DEFB4B: variants seen among roughly 807,000 people sequenced by gnomAD.
The protein encoded by DEFB4B is beta-defensin 4B.
At chr8:7,415,407 TC>T (rs1379640167) in intron 1 of DEFB4B, among the ~76,000 whole-genome samples, 1 of 151,402 alleles carries the variant, frequency 6.6e-6, no homozygotes, top group African/African-American at 2.4e-5. Context: ...TCAGCAACGA[TC>T]TCTTGTGAAT....
At chr8:7,416,287 C>T (rs1585470383) in intron 1 of DEFB4B, among the ~76,000 whole-genome samples, 1 of 151,808 alleles carries the variant, frequency 6.6e-6, no homozygotes, top group East Asian at 1.9e-4. Flanking sequence ...ATACTACTTT[C>T]TTTAGATAAA....
intron 1 of DEFB4B, among the ~76,000 whole-genome samples, chr8:7,415,347 C>G (rs1248985827): frequency 2.0e-5 from 3 of 150,984 alleles, no homozygotes; most frequent in Non-Finnish European, 2.9e-5. Context: ...TGTGAAAGAC[C>G]CTGATCTCTC....
chr8:7,415,941 A>G (rs1367275711), intron 1 of DEFB4B, among the ~76,000 whole-genome samples: 2 of 146,704 alleles, frequency 1.4e-5, no homozygotes, highest in Admixed American at 1.4e-4. Context: ...TTTAGGATTT[A>G]CTCTCAAATT....
At chr8:7,416,563 T>A (rs1404881138) in intron 1 of DEFB4B, among the ~76,000 whole-genome samples, 1 of 148,638 alleles carries the variant, frequency 6.7e-6, no homozygotes, top group Non-Finnish European at 1.5e-5. Flanking sequence ...AGACATGCTC[T>A]AGGGAGAGAG....
At chr8:7,415,709 C>G (rs1475234566) in intron 1 of DEFB4B, among the ~76,000 whole-genome samples, 1 of 123,690 alleles carries the variant, frequency 8.1e-6, no homozygotes, top group African/African-American at 3.2e-5. Context: ...CCCTCCCTCC[C>G]TCCCTCCCTC....
At chr8:7,415,713 C>CTCCG (rs1441719015) in intron 1 of DEFB4B, among the ~76,000 whole-genome samples, 6 of 127,836 alleles carry the variant, frequency 4.7e-5, no homozygotes, top group African/African-American at 1.8e-4. Flanking sequence ...CCCTCCCTCC[C>CTCCG]TCCCTCCCTC....
intron 1 of DEFB4B, among the ~76,000 whole-genome samples, chr8:7,415,612 T>C (rs10089609): frequency 0.016 from 2,461 of 149,818 alleles, 38 homozygotes; most frequent in African/African-American, 0.056. Flanking sequence ...AAAACCACAA[T>C]TAACCATAGA....
chr8:7,415,096 ACCT>A lies in DEFB4B; in HGVS notation c.59-2_59del. The A allele has an allele frequency of 9.5e-7, 1 of 1,054,560 alleles. No homozygotes were observed. Among genetic ancestry groups the A allele is most frequent in the Non-Finnish European group, 1.4e-6 (1 of 731,442 alleles). 65.3% of individuals were successfully genotyped at this position (1,054,560 alleles called of 1,614,324 possible). Reference sequence around the variant, plus strand: ...CAGGATCGCCTATACCACCAAAAACACCTAACAGGGAAAAAACACACAAAAAGA... The same window carrying A: ...CAGGATCGCCTATACCACCAAAAACAAACAGGGAAAAAACACACAAAAAGA... On this transcript the variant is annotated splice_acceptor_variant and coding_sequence_variant, in exon 2 of 2. Transcript: ENST00000318157. LOFTEE classifies it high-confidence loss of function.
Position 7,416,242 on chromosome 8 carries a change from C to A in DEFB4B, c.58+528G>T, listed in dbSNP as rs572468202. ...GGAATTCTCTAGGTTGCAGTATCTACCCTTTAAATATAAAAATTTAGAAAA... is the reference window on the plus strand; with the variant it reads ...GGAATTCTCTAGGTTGCAGTATCTAACCTTTAAATATAAAAATTTAGAAAA... On this transcript the variant is annotated intron_variant, in intron 1 of 1. Coordinates refer to ENST00000318157, the MANE Select transcript of DEFB4B (RefSeq NM_001205266.2). Among the ~76,000 whole-genome samples the A allele has an allele frequency of 9.2e-5, 14 of 151,778 alleles. No individual in the cohort carries two copies. In the East Asian group the frequency reaches 2.5e-3, roughly 27 times the overall value.
chr8:7,416,602 G>C (rs1408381941), intron 1 of DEFB4B, among the ~76,000 whole-genome samples, 168 bp downstream of exon 1: 2 of 148,532 alleles, frequency 1.3e-5, no homozygotes, highest in African/African-American at 5.0e-5. Flanking sequence ...AAAAGAGAGA[G>C]AGGGAAGAAG....
At chr8:7,416,264 A>C (rs902354054) in intron 1 of DEFB4B, among the ~76,000 whole-genome samples, 8 of 151,690 alleles carry the variant, frequency 5.3e-5, no homozygotes, top group African/African-American at 1.7e-4. Flanking sequence ...AAAAATTTAG[A>C]AAATGACATT....
chr8:7,415,655 T>C (rs1205226938), intron 1 of DEFB4B, among the ~76,000 whole-genome samples: 2 of 150,158 alleles, frequency 1.3e-5, no homozygotes, highest in East Asian at 3.9e-4. Context: ...TTCTAATATC[T>C]AAGTCCTGGT....
At chr8:7,415,722 TCCTTCCC>T (rs1808817166) in intron 1 of DEFB4B, among the ~76,000 whole-genome samples, 1 of 85,984 alleles carries the variant, frequency 1.2e-5, no homozygotes, top group African/African-American at 4.6e-5. Flanking sequence ...CCTCCCTCCC[TCCTTCCC>T]TCCCTCCCTC....
intron 1 of DEFB4B, among the ~76,000 whole-genome samples, chr8:7,415,407 T>C (rs527797152): frequency 1.3e-5 from 2 of 151,520 alleles, no homozygotes; most frequent in Admixed American, 1.3e-4. Context: ...TCAGCAACGA[T>C]CTCTTGTGAA....
At chr8:7,415,717 C>CTCCCTCCCTCCCTCCA (rs1808815793) in intron 1 of DEFB4B, among the ~76,000 whole-genome samples, 1 of 128,298 alleles carries the variant, frequency 7.8e-6, no homozygotes, top group Non-Finnish European at 1.6e-5. Context: ...CCCTCCCTCC[C>CTCCCTCCCTCCCTCCA]TCCCTCCTTC....
chr8:7,415,624 A>T (rs1371512298), intron 1 of DEFB4B, among the ~76,000 whole-genome samples: 1 of 151,104 alleles, frequency 6.6e-6, no homozygotes, highest in African/African-American at 2.4e-5. Context: ...AACCATAGAA[A>T]TAAATTTTGT....
At chr8:7,415,357 C>T (rs370160959) in intron 1 of DEFB4B, among the ~76,000 whole-genome samples, 1 of 151,144 alleles carries the variant, frequency 6.6e-6, no homozygotes, top group Non-Finnish European at 1.5e-5. Context: ...CCTGATCTCT[C>T]CTGAGTGACT....
chr8:7,415,864 C>A (rs1361338439), intron 1 of DEFB4B, among the ~76,000 whole-genome samples: 1 of 148,250 alleles, frequency 6.7e-6, no homozygotes, highest in African/African-American at 2.5e-5. Context: ...TCTCACAAAA[C>A]CCAGGACTCA....
intron 1 of DEFB4B, 138 bp downstream of exon 1, chr8:7,416,632 G>C: frequency 2.7e-6 from 1 of 363,842 alleles, no homozygotes; most frequent in Non-Finnish European, 5.1e-6. Context: ...CAGGAGAAAA[G>C]GATGGAGGGG....
Sources: allele counts gnomAD v4.1 joint callset (sites outside exome capture counted in the v4.1 genomes callset), GRCh38; gene constraint gnomAD v4.1.1; transcripts MANE v1.5; gene names NCBI Gene and HGNC (gene_info 2026-07-23, HGNC 2026-07-21).